Variants in AGBL1 observed in about 807,000 individuals in gnomAD.
AGBL1 encodes the protein cytosolic carboxypeptidase 4.
AGBL1 carries 130 observed loss-of-function variants against 118.9 expected under a neutral mutation model. The ratio of observed to expected loss-of-function variants is 1.09; its 90% CI spans 0.95 to 1.26. The LOEUF is 1.26. Among genes scored for constraint, AGBL1 ranks in the 50% most tolerant of loss-of-function variants. AGBL1 has a pLI of 0.00. For synonymous variants in AGBL1, 555 were observed against 478.9 expected (o/e 1.16, Z -2.08); for missense variants, 1,584 against 1,298.1 (o/e 1.22, Z -3.38).
intron 17 of AGBL1, among the ~76,000 whole-genome samples, chr15:86,387,025 C>G (rs896353842): frequency 9.2e-5 from 14 of 152,050 alleles, no homozygotes; most frequent in African/African-American, 3.4e-4. Context: ...TGAATAATTC[C>G]CGTGTAGACA....
intron 21 of AGBL1, among the ~76,000 whole-genome samples, chr15:86,572,331 G>T (rs1024543143): frequency 4.6e-5 from 7 of 152,204 alleles, no homozygotes; most frequent in Non-Finnish European, 1.0e-4. Context: ...GTTCCCGCTG[G>T]CTCCATGGAG....
At chr15:86,472,627 T>A (rs1194276493) in intron 18 of AGBL1, among the ~76,000 whole-genome samples, 1 of 152,100 alleles carries the variant, frequency 6.6e-6, no homozygotes, top group Non-Finnish European at 1.5e-5. Flanking sequence ...TAGGCAAAAA[T>A]AATAGAATAG....
intron 6 of AGBL1, among the ~76,000 whole-genome samples, chr15:86,228,673 A>G (rs973576045): frequency 6.6e-6 from 1 of 152,220 alleles, no homozygotes. Context: ...CAAGGGAAAG[A>G]TCACCTGCAT....
chr15:86,963,274 C>G (rs1312198444), intron 23 of AGBL1, among the ~76,000 whole-genome samples: 1 of 152,086 alleles, frequency 6.6e-6, no homozygotes, highest in Non-Finnish European at 1.5e-5. Context: ...GCCACGGCTA[C>G]ATTGACACGT....
chr15:86,855,744 G>C lies in AGBL1; in HGVS notation c.3159-51343G>C, dbSNP rs1382772213. ...CAAACACAGATCCCGTCATCTTCCT[G>C]TGCTCGCAGTCTGTGTTTCCCTCTG... is the stretch of plus-strand genomic sequence containing the variant. On this transcript the variant is annotated intron_variant, in intron 22 of 22. Transcript: ENST00000614907. Among the ~76,000 whole-genome samples the C allele has an allele frequency of 6.6e-5, 10 of 152,298 alleles. No individual in the cohort carries two copies. In the East Asian group the frequency reaches 1.9e-3, roughly 29 times the overall value.
At chr15:86,465,190 C>T (rs2082387323) in intron 18 of AGBL1, among the ~76,000 whole-genome samples, 1 of 152,096 alleles carries the variant, frequency 6.6e-6, no homozygotes, top group African/African-American at 2.4e-5. Flanking sequence ...TTATGCCTGT[C>T]TTTACTGCCA....
At chr15:86,654,496 G>A (rs1014141629) in intron 21 of AGBL1, among the ~76,000 whole-genome samples, 1 of 152,152 alleles carries the variant, frequency 6.6e-6, no homozygotes, top group Non-Finnish European at 1.5e-5. Context: ...GGCCCTGTAT[G>A]CAATGTCTCA....
chr15:86,082,627 G>A (rs144171694), intron 1 of AGBL1, among the ~76,000 whole-genome samples: 1 of 152,296 alleles, frequency 6.6e-6, no homozygotes, highest in African/African-American at 2.4e-5. Context: ...AAAATAAACC[G>A]GGCCACTAAG....
chr15:86,264,478 T>A lies in AGBL1; in HGVS notation c.1307T>A (p.Val436Glu). 1 of 1,613,698 alleles carries A rather than the reference T, an allele frequency of 6.2e-7. No homozygotes were observed. The highest frequency in any genetic ancestry group is 1.1e-5 in the South Asian group (1 of 91,066). Residue 436 changes from valine (V) to glutamate (E), a missense_variant, in exon 11 of 23, where the codon GTG becomes GAG. Transcript: ENST00000614907. ...CTAGGCTCCAAAAAAAATCCTGGAG[T>A]GAACCTGTACCAAAATGTGCAATCC... Reference protein sequence around the residue: ...VHLGSKKNPGVNLYQNVQSNS... With the variant: ...VHLGSKKNPGENLYQNVQSNS...
chr15:87,014,753 G>A (rs1462137356), intron 24 of AGBL1, among the ~76,000 whole-genome samples: 1 of 152,114 alleles, frequency 6.6e-6, no homozygotes, highest in Non-Finnish European at 1.5e-5. Flanking sequence ...CTCAGTGGGG[G>A]AATACCTGAA....
intron 24 of AGBL1, among the ~76,000 whole-genome samples, chr15:86,994,021 C>T (rs1178750392): frequency 6.6e-6 from 1 of 152,094 alleles, no homozygotes; most frequent in Non-Finnish European, 1.5e-5. Context: ...CACAACGCTT[C>T]ATTCAGTGTG....
chr15:86,818,084 G>C (rs1174760844), intron 22 of AGBL1, among the ~76,000 whole-genome samples: 1 of 151,886 alleles, frequency 6.6e-6, no homozygotes, highest in Admixed American at 6.5e-5. Context: ...AATAAGGCAA[G>C]TTTGTGTGTG....
rs2081003440 is a variant in AGBL1 at position 86,373,991 on chromosome 15, C to G, written c.2375-23375C>G. On this transcript the variant is annotated intron_variant, in intron 17 of 22. Coordinates refer to ENST00000614907, the MANE Select transcript of AGBL1 (RefSeq NM_001386094.1). ...CCCTAGACAAGGTCCTGTGGCATAG[C>G]TGTATGAATGAAAGTTGACCGTCAT... Among the ~76,000 whole-genome samples, 2 of 152,138 alleles carry G rather than the reference C, an allele frequency of 1.3e-5. 1 individual carries two copies. Among genetic ancestry groups the G allele is most frequent in the South Asian group, 4.1e-4 (2 of 4,828 alleles).
intron 22 of AGBL1, among the ~76,000 whole-genome samples, chr15:86,858,837 A>C (rs562953948): frequency 6.6e-6 from 1 of 152,312 alleles, no homozygotes; most frequent in East Asian, 1.9e-4. Flanking sequence ...AGACTACTGC[A>C]TGTGGACTCC....
intron 17 of AGBL1, among the ~76,000 whole-genome samples, chr15:86,366,683 T>C (rs1231276019): frequency 6.6e-6 from 1 of 152,204 alleles, no homozygotes; most frequent in Non-Finnish European, 1.5e-5. Flanking sequence ...ATCATATTTC[T>C]TTACATTCCC....
chr15:86,257,504 G>A (rs1239227625), intron 8 of AGBL1, among the ~76,000 whole-genome samples: 2 of 152,136 alleles, frequency 1.3e-5, no homozygotes, highest in African/African-American at 4.8e-5. Flanking sequence ...TTTTCTATAG[G>A]CATAATTTTG....
chr15:86,192,181 C>T (rs2077734466), intron 5 of AGBL1, among the ~76,000 whole-genome samples: 4 of 150,788 alleles, frequency 2.7e-5, no homozygotes, highest in South Asian at 2.1e-4. Flanking sequence ...CACACACACA[C>T]ATATATAAAA....
At chr15:86,663,962 A>G (rs1247806593) in intron 21 of AGBL1, among the ~76,000 whole-genome samples, 2 of 152,176 alleles carry the variant, frequency 1.3e-5, no homozygotes, top group South Asian at 4.1e-4. Context: ...AAATGTAATC[A>G]CAGAGGGTTT....
At chr15:86,160,066 C>G (rs948772807) in intron 5 of AGBL1, among the ~76,000 whole-genome samples, 7 of 149,384 alleles carry the variant, frequency 4.7e-5, no homozygotes, top group African/African-American at 1.7e-4. Context: ...TTAGTATACC[C>G]TGATCCAAAA....
Sources: gnomAD v4.1 joint callset for allele counts (sites outside exome capture counted in the v4.1 genomes callset) on GRCh38, gnomAD v4.1.1 for gene constraint, MANE v1.5 for transcripts, NCBI Gene and HGNC (gene_info 2026-07-23, HGNC 2026-07-21) for gene names.